The following DSCAML1 variants were observed in gnomAD, a reference collection of about 807,000 sequenced individuals.
DSCAML1 encodes cell adhesion molecule DSCAML1.
In DSCAML1, 38 loss-of-function variants were observed where a neutral mutation model predicts 200.5. The ratio of observed to expected loss-of-function variants is 0.19; its 90% CI spans 0.15 to 0.25. The LOEUF (loss-of-function observed/expected upper bound fraction) is 0.25. DSCAML1 is among the 10% of genes least tolerant of loss of function. DSCAML1 has a pLI of 1.00. For missense variants in DSCAML1, 2,223 were observed against 2,858.8 expected (o/e 0.78, Z 5.07); for synonymous variants, 1,215 against 1,165.0 (o/e 1.04, Z -0.87).
intron 4 of DSCAML1, 152 bp from the exon 5 acceptor site, chr11:117,525,235 G>A (rs1380132527): frequency 6.2e-6 from 6 of 972,450 alleles, no homozygotes; most frequent in East Asian, 2.8e-5. Flanking sequence ...AACATTTCAG[G>A]GAGGGTGCAC....
At chr11:117,531,156 G>A (rs2137340236) in intron 4 of DSCAML1, among the ~76,000 whole-genome samples, 1 of 152,286 alleles carries the variant, frequency 6.6e-6, no homozygotes, top group Middle Eastern at 3.4e-3. Flanking sequence ...AGCCTACCTC[G>A]AGGAGCGCCT....
rs1175420808 is a variant in DSCAML1, at chr11:117,813,541, T to G, written c.-250+3849A>C. Among the ~76,000 whole-genome samples the G allele has an allele frequency of 2.0e-5, 3 of 152,342 alleles. No homozygotes were observed. In the East Asian group the frequency reaches 5.8e-4, roughly 29 times the overall value. On this transcript the variant is annotated intron_variant, in intron 1 of 2. Coordinates refer to the DSCAML1 transcript ENST00000525836. ...GACTATGCTGAATCTCCATAGGCAC[T>G]CTCTAATTAAATGTCCTAGGTCCTC... is the stretch of plus-strand genomic sequence containing the variant.
chr11:117,648,175 G>C (rs977516496), intron 3 of DSCAML1, among the ~76,000 whole-genome samples: 13 of 152,292 alleles, frequency 8.5e-5, no homozygotes, highest in African/African-American at 2.6e-4. Context: ...CCCCATCTCA[G>C]AGGGGGGCCT....
intron 8 of DSCAML1, among the ~76,000 whole-genome samples, chr11:117,510,731 A>G (rs2049601871): frequency 6.6e-6 from 1 of 152,152 alleles, no homozygotes; most frequent in Non-Finnish European, 1.5e-5. Context: ...CCTGGAATCT[A>G]GTGGAGGCAC....
rs148035210 is a variant in DSCAML1, at chr11:117,627,170, T to C, written c.512-94648A>G. On this transcript the variant is annotated intron_variant, in intron 3 of 32. Coordinates refer to ENST00000651296, the MANE Select transcript of DSCAML1 (RefSeq NM_020693.4). ...AATATAATTTATTCTTTTTCTTCTC[T>C]TGCGGATGTGACCGTGCTTATCCCG... Among the ~76,000 whole-genome samples the C allele has an allele frequency of 2.2e-3, 328 of 152,344 alleles. 2 individuals carry two copies. The highest frequency in any genetic ancestry group is 4.0e-3 in the Non-Finnish European group (275 of 68,030).
chr11:117,545,235 ACACACACAC>A (rs796389081), intron 3 of DSCAML1, among the ~76,000 whole-genome samples: 5 of 133,290 alleles, frequency 3.8e-5, no homozygotes, highest in African/African-American at 1.1e-4. Flanking sequence ...GTAAAAAAAA[ACACACACAC>A]ACACACACAC....
chr11:117,786,545 C>T (rs1280374913), intron 1 of DSCAML1, among the ~76,000 whole-genome samples: 3 of 152,130 alleles, frequency 2.0e-5, no homozygotes, highest in Admixed American at 1.3e-4. Context: ...AAAGGGAACT[C>T]GAGCCCCGTG....
chr11:117,476,734 G>A (rs2048801299), intron 14 of DSCAML1, among the ~76,000 whole-genome samples: 1 of 152,240 alleles, frequency 6.6e-6, no homozygotes, highest in South Asian at 2.1e-4. Flanking sequence ...TTACTCTGCT[G>A]CCTGGGGCCA....
At position 117,523,016 on chromosome 11, in the gene DSCAML1, C is replaced by A. The variant is rs1013130540; in HGVS notation, c.938-1611G>T. On this transcript the variant is annotated intron_variant, in intron 5 of 32. Transcript: ENST00000651296. ...CATCTGGAAGTGGTGACTTGCTGTA[C>A]ATCTGTGAGAGTGTACTTGGATATG... Among the ~76,000 whole-genome samples the A allele has an allele frequency of 2.0e-5, 3 of 152,156 alleles. No individual in the cohort carries two copies. The East Asian group carries it at 5.8e-4, about 29-fold the overall frequency.
chr11:117,772,455 C>A (rs1374822220), intron 3 of DSCAML1, among the ~76,000 whole-genome samples: 1 of 152,176 alleles, frequency 6.6e-6, no homozygotes, highest in Non-Finnish European at 1.5e-5. Context: ...CTCAGTATCC[C>A]CATTTGCATG....
intron 3 of DSCAML1, among the ~76,000 whole-genome samples, chr11:117,636,955 T>G (rs2052299607): frequency 6.6e-6 from 1 of 152,202 alleles, no homozygotes; most frequent in Non-Finnish European, 1.5e-5. Flanking sequence ...CCAGATAAAA[T>G]ACACCCTGTT....
At chr11:117,729,034 C>T (rs776871441) in intron 3 of DSCAML1, among the ~76,000 whole-genome samples, 20 of 152,228 alleles carry the variant, frequency 1.3e-4, no homozygotes, top group Middle Eastern at 3.4e-3. Context: ...TACAAAGCTA[C>T]GGTAATCAAG....
At chr11:117,647,117 C>A (rs895445598) in intron 3 of DSCAML1, among the ~76,000 whole-genome samples, 1 of 152,220 alleles carries the variant, frequency 6.6e-6, no homozygotes, top group East Asian at 1.9e-4. Context: ...TCCTTTCCTA[C>A]GCCTACTCCT....
At chr11:117,535,092 A>G (rs540770795) in intron 3 of DSCAML1, among the ~76,000 whole-genome samples, 1 of 152,090 alleles carries the variant, frequency 6.6e-6, no homozygotes, top group Admixed American at 6.6e-5. Context: ...GAGAGCCTCT[A>G]AGATTAGACT....
chr11:117,521,021 AG>A, intron 6 of DSCAML1, 108 bp downstream of exon 6: 1 of 1,438,038 alleles, frequency 7.0e-7, no homozygotes, highest in Non-Finnish European at 9.5e-7. Flanking sequence ...CCTGGTGTGT[AG>A]TGAGCGCTGG....
At chr11:117,578,896 C>G (rs73588613) in intron 3 of DSCAML1, among the ~76,000 whole-genome samples, 5 of 152,142 alleles carry the variant, frequency 3.3e-5, no homozygotes, top group Non-Finnish European at 7.3e-5. Context: ...GCACAGAAAA[C>G]TTAGCCTTAC....
At position 117,575,113 on chromosome 11, in the gene DSCAML1, C is replaced by T. The variant is rs376445228; in HGVS notation, c.512-42591G>A. 1.2e-3 allele frequency among the ~76,000 whole-genome samples: 180 copies of T among 152,282 alleles called. 7 individuals are homozygous for T. The South Asian group carries it at 0.035, about 30-fold the overall frequency. On this transcript the variant is annotated intron_variant, in intron 3 of 32. Coordinates refer to ENST00000651296, the MANE Select transcript of DSCAML1 (RefSeq NM_020693.4). ...GGTTGAGGAAGGAGAATCACTTGAA[C>T]CCAGGAGGCGGAGGTTGCAATGAGC...
intron 3 of DSCAML1, among the ~76,000 whole-genome samples, chr11:117,672,769 G>A (rs920162645): frequency 6.6e-6 from 1 of 152,188 alleles, no homozygotes; most frequent in Non-Finnish European, 1.5e-5. Context: ...CAGCATACTT[G>A]TTAAACTGAT....
chr11:117,585,462 T>C (rs566270660), intron 3 of DSCAML1, among the ~76,000 whole-genome samples: 1 of 152,280 alleles, frequency 6.6e-6, no homozygotes, highest in Admixed American at 6.5e-5. Context: ...TTGGCCTGGG[T>C]GGTCTCCCTC....
Sources: allele counts gnomAD v4.1 joint callset (sites outside exome capture counted in the v4.1 genomes callset), GRCh38; gene constraint gnomAD v4.1.1; transcripts MANE v1.5; gene names NCBI Gene and HGNC (gene_info 2026-07-23, HGNC 2026-07-21).